Variants in ASCC3 observed in about 807,000 individuals in gnomAD.
ASCC3 encodes the protein activating signal cointegrator 1 complex subunit 3.
In ASCC3, 158 loss-of-function variants were observed where a neutral mutation model predicts 256.3. The observed-to-expected ratio is 0.62, with a 90% CI of 0.54 to 0.70. The LOEUF (loss-of-function observed/expected upper bound fraction) is 0.70. ASCC3 is among the 30% of genes least tolerant of loss of function. The pLI is 0.00. For synonymous variants in ASCC3, 948 were observed against 883.4 expected, an observed-to-expected ratio of 1.07 and a Z score of -1.30; for missense variants, 2,259 against 2,626.0, an observed-to-expected ratio of 0.86 and a Z score of 3.05.
rs376558607 is a variant in ASCC3, at chr6:100,644,134, A to T, written c.3634-5T>A. 5.0e-6 allele frequency: 8 copies of T among 1,592,226 alleles called. No individual in the cohort carries two copies. In the Admixed American group the frequency reaches 6.7e-5, roughly 13 times the overall value. ...TTCTCCTACTGTCCCATGTACCTAG[A>T]AGAAAAATAGCATCCTGCTACTATG... is the stretch of plus-strand genomic sequence containing the variant. On this transcript the variant is annotated splice_polypyrimidine_tract_variant and splice_region_variant and intron_variant, in intron 22 of 41. Coordinates refer to ENST00000369162, the MANE Select transcript of ASCC3 (RefSeq NM_006828.4).
intron 8 of ASCC3, among the ~76,000 whole-genome samples, chr6:100,791,211 C>T (rs1769336139): frequency 6.6e-6 from 1 of 151,618 alleles, no homozygotes. Context: ...AAGCATGTAC[C>T]ACACTGAATG....
At chr6:100,711,587 G>A (rs994937488) in intron 13 of ASCC3, among the ~76,000 whole-genome samples, 2 of 152,014 alleles carry the variant, frequency 1.3e-5, no homozygotes, top group Non-Finnish European at 2.9e-5. Context: ...AAAATTAGCC[G>A]GGTGTGGTGG....
chr6:100,877,926 G>C (rs935233628), intron 1 of ASCC3, among the ~76,000 whole-genome samples: 1 of 152,140 alleles, frequency 6.6e-6, no homozygotes, highest in Non-Finnish European at 1.5e-5. Context: ...ACCAAACACA[G>C]AGCAACTTTT....
intron 36 of ASCC3, among the ~76,000 whole-genome samples, chr6:100,567,042 G>GT (rs1428978715): frequency 1.3e-5 from 2 of 151,506 alleles, no homozygotes; most frequent in East Asian, 1.9e-4. Context: ...TCCCCTTCTT[G>GT]TTTTTTTAGT....
At chr6:100,739,244 T>C (rs1438582187) in intron 10 of ASCC3, among the ~76,000 whole-genome samples, 1 of 152,230 alleles carries the variant, frequency 6.6e-6, no homozygotes, top group Non-Finnish European at 1.5e-5. Flanking sequence ...GAATCACATT[T>C]ATTCACTTGC....
chr6:100,718,641 T>A (rs755988076), intron 11 of ASCC3, among the ~76,000 whole-genome samples: 1 of 151,916 alleles, frequency 6.6e-6, no homozygotes, highest in Non-Finnish European at 1.5e-5. Flanking sequence ...ACATTTGTAG[T>A]CCCAACGACT....
At chr6:100,677,809 T>A (rs942620361) in intron 14 of ASCC3, among the ~76,000 whole-genome samples, 1 of 151,758 alleles carries the variant, frequency 6.6e-6, no homozygotes, top group African/African-American at 2.4e-5. Context: ...TCAAGTATAA[T>A]AAAAATATAA....
intron 8 of ASCC3, among the ~76,000 whole-genome samples, chr6:100,783,399 G>A (rs1782537579): frequency 6.6e-6 from 1 of 152,162 alleles, no homozygotes; most frequent in Non-Finnish European, 1.5e-5. Context: ...GGCTTCACCA[G>A]AGGACCAGAT....
chr6:100,593,227 C>T (rs532782405), intron 34 of ASCC3, among the ~76,000 whole-genome samples: 109 of 152,152 alleles, frequency 7.2e-4, no homozygotes, highest in African/African-American at 2.5e-3. Context: ...AATTACTAGT[C>T]CCCTGAGAGG....
At chr6:100,777,669 T>C (rs578027144) in intron 8 of ASCC3, among the ~76,000 whole-genome samples, 1 of 152,130 alleles carries the variant, frequency 6.6e-6, no homozygotes, top group East Asian at 1.9e-4. Flanking sequence ...ATTTGAAACC[T>C]CAGTACATTC....
chr6:100,814,603 C>T (rs1465302712), intron 4 of ASCC3, among the ~76,000 whole-genome samples: 1 of 152,042 alleles, frequency 6.6e-6, no homozygotes, highest in Non-Finnish European at 1.5e-5. Flanking sequence ...ATATTTATCA[C>T]TGATTGAATT....
At chr6:100,756,164 C>T (rs540437633) in intron 10 of ASCC3, among the ~76,000 whole-genome samples, 2 of 151,756 alleles carry the variant, frequency 1.3e-5, no homozygotes, top group African/African-American at 4.8e-5. Context: ...TTTATTTTCA[C>T]TTGGCCAAAA....
chr6:100,853,262 T>C (rs1772776031), intron 3 of ASCC3, among the ~76,000 whole-genome samples: 1 of 152,174 alleles, frequency 6.6e-6, no homozygotes, highest in Non-Finnish European at 1.5e-5. Context: ...TGTTTTCTTT[T>C]GATTCAAAAT....
intron 11 of ASCC3, among the ~76,000 whole-genome samples, chr6:100,722,542 C>T (rs1184031983): frequency 6.6e-6 from 1 of 151,762 alleles, no homozygotes; most frequent in South Asian, 2.1e-4. Flanking sequence ...AGCCTAAAAT[C>T]TAAGTGTAAG....
chr6:100,670,711 AC>A (rs1776704250), intron 14 of ASCC3, among the ~76,000 whole-genome samples: 2 of 151,856 alleles, frequency 1.3e-5, no homozygotes, highest in Non-Finnish European at 2.9e-5. Context: ...GCCATCTGTA[AC>A]AACTGCTGGA....
chr6:100,797,276 C>T (rs1162516793), intron 8 of ASCC3, among the ~76,000 whole-genome samples: 2 of 151,618 alleles, frequency 1.3e-5, no homozygotes, highest in African/African-American at 4.8e-5. Context: ...ATGGCAAAAC[C>T]CTGTCTCTAC....
At chr6:100,671,726 T>G (rs1270886218) in intron 14 of ASCC3, among the ~76,000 whole-genome samples, 4 of 152,048 alleles carry the variant, frequency 2.6e-5, no homozygotes, top group African/African-American at 9.7e-5. Context: ...TTTCCACGAC[T>G]TTACATAACG....
At chr6:100,754,908 C>A (rs909357243) in intron 10 of ASCC3, among the ~76,000 whole-genome samples, 1 of 152,086 alleles carries the variant, frequency 6.6e-6, no homozygotes, top group African/African-American at 2.4e-5. Flanking sequence ...CACTCTCTTG[C>A]CTGCTGCCAT....
rs756646692 is a variant in ASCC3 at position 100,540,180 on chromosome 6, C to A, written c.5758G>T (p.Ala1920Ser). 5.6e-6 allele frequency: 9 copies of A among 1,613,692 alleles called. No individual in the cohort carries two copies. Among genetic ancestry groups the A allele is most frequent in the Non-Finnish European group, 7.6e-6 (9 of 1,179,764 alleles). The part of the protein sequence containing the change: ...DTDTKTVLDQ[A>S]LRVCQAMLDV... ...TTTCATACCTGACATACTCTGAGAGCTTGGTCCAAGACTGTTTTGGTATCA... is the reference window on the plus strand; with the variant it reads ...TTTCATACCTGACATACTCTGAGAGATTGGTCCAAGACTGTTTTGGTATCA... Residue 1920 changes from alanine (A) to serine (S), a missense_variant, in exon 37 of 42, where the codon GCT becomes TCT. Ala to Ser is a moderately conservative substitution (Grantham distance 99). This residue lies in a region of ASCC3 where 1,839 missense variants were observed against 2,206.7 expected (regional missense o/e 0.83). Coordinates refer to ENST00000369162, the MANE Select transcript of ASCC3 (RefSeq NM_006828.4).
Sources: gnomAD v4.1 joint callset for allele counts (sites outside exome capture counted in the v4.1 genomes callset) on GRCh38, gnomAD v4.1.1 for gene constraint, gnomAD v4.1.1 regional missense constraint, MANE v1.5 for transcripts, NCBI Gene and HGNC (gene_info 2026-07-23, HGNC 2026-07-21) for gene names.